CDCA7L: variants seen among roughly 807,000 people sequenced by gnomAD.
CDCA7L encodes the protein cell division cycle associated 7 like.
CDCA7L carries 44 observed loss-of-function variants against 57.4 expected under a neutral mutation model. The ratio of observed to expected loss-of-function variants is 0.77; its 90% CI spans 0.60 to 0.98. CDCA7L has a LOEUF of 0.98. Ranked by LOEUF, CDCA7L falls within the 50% of genes least tolerant of loss-of-function variation. The pLI, the probability that CDCA7L is intolerant of heterozygous loss-of-function variation, is 0.00. For synonymous variants in CDCA7L, 236 were observed against 202.8 expected, an observed-to-expected ratio of 1.16 and a Z score of -1.39; for missense variants, 644 against 580.6, an observed-to-expected ratio of 1.11 and a Z score of -1.12.
intron 1 of CDCA7L, among the ~76,000 whole-genome samples, chr7:21,932,610 T>C (rs1786050930): frequency 6.6e-6 from 1 of 152,226 alleles, no homozygotes. Flanking sequence ...TGCAGAAAAC[T>C]GAAACTGGAC....
At chr7:21,908,576 AAAC>A in intron 3 of CDCA7L, 69 bp from the exon 4 acceptor site, 7 of 1,383,018 alleles carry the variant, frequency 5.1e-6, no homozygotes, top group Non-Finnish European at 6.6e-6. Context: ...CATGCATTTA[AAAC>A]AACTGACAGC....
Position 21,901,075 on chromosome 7 carries a change from C to A in CDCA7L, c.*1247G>T. The A allele has an allele frequency of 6.2e-7, 1 of 1,613,842 alleles. No homozygotes were observed. Among genetic ancestry groups the A allele is most frequent in the Non-Finnish European group, 8.5e-7 (1 of 1,179,788 alleles). On this transcript the variant is annotated 3_prime_UTR_variant, in exon 10 of 10. Transcript: ENST00000406877. ...TCTCAAGGAGCTGGCATGCCCTATG[C>A]CGGTCATCTTTGCAAAAGCCACCCC...
intron 9 of CDCA7L, chr7:21,902,600 G>GTAACTCACATTCTGTCC: frequency 4.0e-6 from 2 of 496,522 alleles, no homozygotes; most frequent in Non-Finnish European, 7.1e-6. Flanking sequence ...AATGAAACTT[G>GTAACTCACATTCTGTCC]TAACTCACAT....
chr7:21,926,424 TAA>T (rs1350785707), intron 1 of CDCA7L, among the ~76,000 whole-genome samples: 1 of 151,872 alleles, frequency 6.6e-6, no homozygotes, highest in Non-Finnish European at 1.5e-5. Flanking sequence ...CTAGAATATA[TAA>T]AGATTTCTTA....
intron 6 of CDCA7L, 32 bp from the exon 7 acceptor site, chr7:21,905,663 T>C (rs757530476): frequency 7.5e-6 from 12 of 1,604,824 alleles, no homozygotes; most frequent in Non-Finnish European, 1.0e-5. Context: ...AACATGGAGA[T>C]GTGTTGAGCA....
chr7:21,943,897 C>G (rs1786424607), intron 1 of CDCA7L, among the ~76,000 whole-genome samples: 1 of 152,200 alleles, frequency 6.6e-6, no homozygotes, highest in East Asian at 1.9e-4. Context: ...TCACTTCCAA[C>G]TACACATTCT....
intron 1 of CDCA7L, among the ~76,000 whole-genome samples, chr7:21,945,577 C>T (rs1786497818): frequency 6.6e-6 from 1 of 152,130 alleles, no homozygotes; most frequent in Admixed American, 6.5e-5. Context: ...GGCGACCGGC[C>T]TCTGTGGTCC....
At chr7:21,927,466 G>C (rs1026673240) in intron 1 of CDCA7L, among the ~76,000 whole-genome samples, 4 of 151,706 alleles carry the variant, frequency 2.6e-5, no homozygotes, top group African/African-American at 9.7e-5. Flanking sequence ...TACTGAGTCA[G>C]AGGAGAAAAA....
At chr7:21,902,691 G>A (rs1231727393) in intron 9 of CDCA7L, 7 of 472,078 alleles carry the variant, frequency 1.5e-5, no homozygotes, top group Non-Finnish European at 2.6e-5. Flanking sequence ...CCCTCAGCCT[G>A]CCTTGTTTGT....
At chr7:21,931,199 C>T (rs1562634617) in intron 1 of CDCA7L, among the ~76,000 whole-genome samples, 1 of 152,172 alleles carries the variant, frequency 6.6e-6, no homozygotes, top group African/African-American at 2.4e-5. Flanking sequence ...ACCAGAGGTA[C>T]AAAGAGGAGC....
chr7:21,910,965 T>TA (rs370112419), intron 3 of CDCA7L, among the ~76,000 whole-genome samples: 60 of 146,328 alleles, frequency 4.1e-4, no homozygotes, highest in African/African-American at 1.4e-3. Context: ...TCATCTAAGA[T>TA]AAACTTTTAG....
intron 1 of CDCA7L, among the ~76,000 whole-genome samples, chr7:21,920,769 G>A (rs1785625367): frequency 6.6e-6 from 1 of 152,190 alleles, no homozygotes. Context: ...TTAGCACTCA[G>A]AACTAATACG....
chr7:21,945,666 TC>T, intron 1 of CDCA7L, 114 bp downstream of exon 1: 1 of 1,326,226 alleles, frequency 7.5e-7, no homozygotes, highest in African/African-American at 1.5e-5. Context: ...GCGCGCCAGA[TC>T]CCCAGTGCCG....
chr7:21,941,577 A>T (rs768236301), intron 1 of CDCA7L, among the ~76,000 whole-genome samples: 2 of 152,232 alleles, frequency 1.3e-5, no homozygotes, highest in Non-Finnish European at 2.9e-5. Flanking sequence ...TTTTACAGGC[A>T]GTATAAAGCA....
At chr7:21,926,205 A>G (rs1481617511) in intron 1 of CDCA7L, among the ~76,000 whole-genome samples, 1 of 151,218 alleles carries the variant, frequency 6.6e-6, no homozygotes, top group African/African-American at 2.4e-5. Flanking sequence ...TTCTATAACT[A>G]TATATTAATT....
intron 9 of CDCA7L, chr7:21,902,629 ACTCT>A (rs771869368): frequency 1.1e-5 from 6 of 525,808 alleles, no homozygotes; most frequent in Non-Finnish European, 6.8e-6. Flanking sequence ...CTTGCCCTGA[ACTCT>A]CTCTCTGCAC....
At chr7:21,942,865 G>A (rs1206258523) in intron 1 of CDCA7L, among the ~76,000 whole-genome samples, 2 of 152,186 alleles carry the variant, frequency 1.3e-5, no homozygotes, top group African/African-American at 4.8e-5. Context: ...GGAATTACAT[G>A]TTAAACAACA....
chr7:21,906,611 G>T lies in CDCA7L; in HGVS notation c.710C>A (p.Ser237Ter). The T allele has an allele frequency of 6.2e-7, 1 of 1,614,042 alleles. No homozygotes were observed. Among genetic ancestry groups the T allele is most frequent in the South Asian group, 1.1e-5 (1 of 91,062 alleles). Reference sequence around the variant, plus strand: ...TCGTACTGGGAAGAAATCTGGCATCGAGTTCAATTCCGCCAATAACTGGGC... The same window carrying T: ...TCGTACTGGGAAGAAATCTGGCATCTAGTTCAATTCCGCCAATAACTGGGC... ...MLAQLLAELN[S>*]MPDFFPVRTP... The change falls in exon 5 of 10, where the codon TCG becomes TAG. Residue 237 changes from serine (S) to a stop codon, truncating the protein, a stop_gained. Transcript: ENST00000406877. LOFTEE classifies it high-confidence loss of function.
chr7:21,914,065 C>T (rs1785409331), intron 2 of CDCA7L, among the ~76,000 whole-genome samples: 1 of 152,140 alleles, frequency 6.6e-6, no homozygotes. Flanking sequence ...ATGATCAGGA[C>T]CATAAGCAAA....
Sources: allele counts gnomAD v4.1 joint callset (sites outside exome capture counted in the v4.1 genomes callset), GRCh38; gene constraint gnomAD v4.1.1; transcripts MANE v1.5; gene names NCBI Gene and HGNC (gene_info 2026-07-23, HGNC 2026-07-21).